The following PDE4DIP variants were observed in gnomAD, a reference collection of about 807,000 sequenced individuals.
The protein encoded by PDE4DIP is phosphodiesterase 4D interacting protein, also known as myomegalin.
PDE4DIP carries 59 observed loss-of-function variants against 221.4 expected under a neutral mutation model. The ratio of observed to expected loss-of-function variants is 0.27; its 90% CI spans 0.22 to 0.33. PDE4DIP has a LOEUF of 0.33. Among genes scored for constraint, PDE4DIP ranks in the 10% least tolerant of loss-of-function variants. The pLI, the probability that PDE4DIP is intolerant of heterozygous loss-of-function variation, is 1.00. For missense variants in PDE4DIP, 1,036 were observed against 2,154.2 expected, an observed-to-expected ratio of 0.48 and a Z score of 10.28; for synonymous variants, 404 against 815.9, an observed-to-expected ratio of 0.50 and a Z score of 8.60.
chr1:149,022,445 A>G (rs587599949), intron 37 of PDE4DIP, among the ~76,000 whole-genome samples: 378 of 152,272 alleles, frequency 2.5e-3, no homozygotes, highest in Non-Finnish European at 4.3e-3. Context: ...TCCCTCCAGA[A>G]GGCTAAACAA....
rs868935022 is a variant in PDE4DIP, at chr1:149,021,876, T to C, written c.6085+723T>C. On this transcript the variant is annotated intron_variant, in intron 37 of 43. Coordinates refer to ENST00000369354, the Ensembl canonical transcript of PDE4DIP. ...GCTGCCTGCTGAAATAATAATCTAA[T>C]ATTTGAGAATTTTGATATATTTCTT... 11 of 142,428 alleles carry C rather than the reference T, an allele frequency of 7.7e-5. No individual in the cohort carries two copies. In the Middle Eastern group the frequency reaches 0.014, roughly 176 times the overall value. The allele number at this position is 142,428 out of a possible 1,614,324, so 8.8% of individuals were successfully genotyped here.
chr1:148,981,715 T>C (rs2061102222), intron 21 of PDE4DIP: 1 of 299,162 alleles, frequency 3.3e-6, no homozygotes, highest in Non-Finnish European at 6.6e-6. Context: ...TTCATTCTTA[T>C]CCCTAGCCCC....
rs201002922 is a variant in PDE4DIP at position 148,962,663 on chromosome 1, G to A, written c.1194+23G>A. 711 of 557,324 alleles carry A rather than the reference G, an allele frequency of 1.3e-3. 2 individuals are homozygous for A. The East Asian group carries it at 0.018, about 14-fold the overall frequency. 34.5% of individuals were successfully genotyped at this position (557,324 alleles called of 1,614,324 possible). A position where few individuals can be genotyped will look rare whatever the true frequency, so the allele number is the denominator to read the frequency against. On this transcript the variant is annotated intron_variant, in intron 9 of 43. Coordinates refer to ENST00000369354, the Ensembl canonical transcript of PDE4DIP. ...CAGGTAAATCATTAACTATTTTATT[G>A]CCCTAAATGCTGACTTTGCCCTGAT... is the stretch of plus-strand genomic sequence containing the variant.
At chr1:149,019,855 T>G (rs1307667440) in intron 35 of PDE4DIP, among the ~76,000 whole-genome samples, 1 of 152,038 alleles carries the variant, frequency 6.6e-6, no homozygotes, top group African/African-American at 2.4e-5. Flanking sequence ...AAGAATGGAT[T>G]ATTGAACAGA....
intron 5 of PDE4DIP, among the ~76,000 whole-genome samples, chr1:148,944,458 T>A (rs1446686367): frequency 7.0e-6 from 1 of 143,510 alleles, no homozygotes; most frequent in Non-Finnish European, 1.5e-5. Flanking sequence ...GTCTCCAGGT[T>A]TCTTTGAGGG....
At chr1:149,018,235 C>T in intron 34 of PDE4DIP, 2 of 415,750 alleles carry the variant, frequency 4.8e-6, no homozygotes, top group Non-Finnish European at 8.7e-6. Context: ...CTTACACTCT[C>T]CTTCCAAGCT....
intron 3 of PDE4DIP, among the ~76,000 whole-genome samples, chr1:148,877,203 A>C (rs1553419882): frequency 6.7e-6 from 1 of 150,098 alleles, no homozygotes; most frequent in Non-Finnish European, 1.5e-5. Context: ...GATTAAACAA[A>C]ACAACGGCAA....
intron 4 of PDE4DIP, among the ~76,000 whole-genome samples, chr1:148,932,896 A>G (rs1355068983): frequency 1.3e-5 from 2 of 152,158 alleles, no homozygotes; most frequent in Non-Finnish European, 2.9e-5. Flanking sequence ...CATAAATGGG[A>G]TTAATACGCT....
Position 149,017,846 on chromosome 1 carries a change from G to T in PDE4DIP, c.5617G>T (p.Glu1873Ter). 6.2e-7 allele frequency: 1 copy of T among 1,613,628 alleles called. No homozygotes were observed. The highest frequency in any genetic ancestry group is 1.1e-5 in the South Asian group (1 of 91,024). The stretch of plus-strand genomic sequence containing the variant: ...CAATGACCGCCTACGGGAGCAACTG[G>T]AACACCGGCTGACCTCTACTGCTCG... The change falls in exon 34 of 44, where the codon GAA becomes TAA. Residue 1873 changes from glutamate to a stop codon, truncating the protein, a stop_gained. Coordinates refer to ENST00000369354, the Ensembl canonical transcript of PDE4DIP. LOFTEE classifies it high-confidence loss of function.
chr1:148,946,367 A>G (rs1553483625), intron 5 of PDE4DIP, among the ~76,000 whole-genome samples: 1 of 135,456 alleles, frequency 7.4e-6, no homozygotes, highest in African/African-American at 2.8e-5. Flanking sequence ...TCTATTGAAA[A>G]AAATAAATAA....
chr1:148,949,814 T>A (rs1468737935), intron 5 of PDE4DIP, among the ~76,000 whole-genome samples: 1 of 151,884 alleles, frequency 6.6e-6, no homozygotes, highest in Non-Finnish European at 1.5e-5. Flanking sequence ...TGAGATACAG[T>A]TTTGAACTAT....
chr1:149,029,890 A>G (rs1300618659), exon 42 of PDE4DIP: 5 of 1,589,098 alleles, frequency 3.1e-6, no homozygotes, highest in Non-Finnish European at 4.3e-6. Flanking sequence ...GCCAACCAGC[A>G]GAAGGAGAGC....
intron 14 of PDE4DIP, among the ~76,000 whole-genome samples, chr1:148,970,861 TCCAAAGAGC>T (rs1321985398): frequency 6.6e-6 from 1 of 152,166 alleles, no homozygotes; most frequent in Non-Finnish European, 1.5e-5. Flanking sequence ...AATTCAAATC[TCCAAAGAGC>T]CCAAATTTTA....
chr1:148,930,465 C>T (rs766418728), intron 2 of PDE4DIP: 6 of 150,298 alleles, frequency 4.0e-5, no homozygotes, highest in African/African-American at 7.4e-5. Flanking sequence ...TGCAGTGAGC[C>T]GAGATCATGC....
At chr1:148,998,284 C>G in exon 23 of PDE4DIP, 1 of 1,613,198 alleles carries the variant, frequency 6.2e-7, no homozygotes, top group Non-Finnish European at 8.5e-7. Flanking sequence ...GTTCCACCAG[C>G]ACTTAGAAGA....
At chr1:149,010,727 A>G (rs2068363018) in intron 31 of PDE4DIP, 132 bp downstream of exon 34, 3 of 733,526 alleles carry the variant, frequency 4.1e-6, no homozygotes, top group Non-Finnish European at 7.0e-6. Flanking sequence ...TCGAGAAACC[A>G]TCCTCATTTT....
At chr1:149,006,304 A>C (rs2067029260) in intron 27 of PDE4DIP, 1 of 152,108 alleles carries the variant, frequency 6.6e-6, no homozygotes, top group Non-Finnish European at 1.5e-5. Context: ...ACCACTCTAA[A>C]ACTTAGTGAC....
intron 41 of PDE4DIP, among the ~76,000 whole-genome samples, chr1:149,029,184 G>C: frequency 6.6e-6 from 1 of 152,100 alleles, no homozygotes; most frequent in Admixed American, 6.6e-5. Flanking sequence ...GACCAGGCCT[G>C]GGGAAAGTCA....
chr1:148,978,522 G>C (rs1261910000), intron 19 of PDE4DIP, 107 bp downstream of exon 22: 2 of 724,816 alleles, frequency 2.8e-6, no homozygotes, highest in Non-Finnish European at 2.2e-6. Context: ...GGCTAGTCTT[G>C]AACTCCTGAC....
Sources: allele counts gnomAD v4.1 joint callset (sites outside exome capture counted in the v4.1 genomes callset), GRCh38; gene constraint gnomAD v4.1.1; transcripts MANE v1.5; gene names NCBI Gene and HGNC (gene_info 2026-07-23, HGNC 2026-07-21).